The following SPAG16 variants were observed in gnomAD, a reference collection of about 807,000 sequenced individuals.
SPAG16 encodes sperm associated antigen 16, also known as sperm-associated antigen 16 protein.
Under a neutral mutation model 80.4 loss-of-function variants are expected in SPAG16, and 86 were observed. The ratio of observed to expected loss-of-function variants is 1.07; its 90% CI spans 0.90 to 1.28. The LOEUF (loss-of-function observed/expected upper bound fraction) is 1.28, where lower values mean the gene tolerates loss of function less well. SPAG16 is among the 50% of genes most tolerant of loss of function. The pLI, the probability that SPAG16 is intolerant of heterozygous loss-of-function variation, is 0.00. For missense variants in SPAG16, 870 were observed against 765.3 expected, an observed-to-expected ratio of 1.14 and a Z score of -1.61; for synonymous variants, 294 against 265.9, an observed-to-expected ratio of 1.11 and a Z score of -1.03.
intron 10 of SPAG16, among the ~76,000 whole-genome samples, chr2:213,752,469 C>T (rs1376347754): frequency 6.6e-6 from 1 of 152,106 alleles, no homozygotes. Context: ...AGTACATTTT[C>T]TTTCTCTTGA....
intron 13 of SPAG16, among the ~76,000 whole-genome samples, chr2:214,035,248 T>C (rs2125066415): frequency 6.6e-6 from 1 of 152,178 alleles, no homozygotes; most frequent in East Asian, 1.9e-4. Context: ...GCAGCCTGAA[T>C]AAAGCACAAG....
rs146416292 is a variant in SPAG16 at position 214,117,948 on chromosome 2, A to T, written c.1593+9687A>T. ...TTCCTCTAAAATCTGGACTAAGACA[A>T]ATATGCCTATCTTTACTATTTCTGT... is the stretch of plus-strand genomic sequence containing the variant. On this transcript the variant is annotated intron_variant, in intron 14 of 15. Coordinates refer to ENST00000331683, the MANE Select transcript of SPAG16 (RefSeq NM_024532.5). Among the ~76,000 whole-genome samples, 190 of 152,288 alleles carry T rather than the reference A, an allele frequency of 1.2e-3. 1 individual carries two copies. Among genetic ancestry groups the T allele is most frequent in the African/African-American group, 4.4e-3 (181 of 41,574 alleles).
chr2:214,201,178 G>A (rs1006847662), intron 15 of SPAG16, among the ~76,000 whole-genome samples: 1 of 152,150 alleles, frequency 6.6e-6, no homozygotes, highest in Admixed American at 6.5e-5. Context: ...CAATTAAGTA[G>A]CATAAATTCT....
intron 5 of SPAG16, among the ~76,000 whole-genome samples, chr2:213,321,759 A>G (rs925760564): frequency 1.3e-5 from 2 of 152,168 alleles, no homozygotes; most frequent in African/African-American, 4.8e-5. Flanking sequence ...AGTTGGGAAA[A>G]TAACTGTTGA....
intron 15 of SPAG16, among the ~76,000 whole-genome samples, chr2:214,167,009 AGAG>A (rs1159454651): frequency 6.6e-6 from 1 of 152,166 alleles, no homozygotes; most frequent in Admixed American, 6.6e-5. Context: ...AGTTAGAAAG[AGAG>A]GAGGAGAAGG....
chr2:214,084,387 T>C (rs1006609184), intron 13 of SPAG16, among the ~76,000 whole-genome samples: 6 of 151,996 alleles, frequency 3.9e-5, no homozygotes, highest in Non-Finnish European at 7.4e-5. Flanking sequence ...CAGCACGTAA[T>C]CTTTGAAAAA....
chr2:213,732,359 T>A (rs2125427633), intron 10 of SPAG16, among the ~76,000 whole-genome samples: 1 of 151,694 alleles, frequency 6.6e-6, no homozygotes, highest in African/African-American at 2.4e-5. Context: ...TGCCCAGGAA[T>A]ACAGGTAACA....
chr2:213,309,830 T>A (rs1233789493), intron 3 of SPAG16, among the ~76,000 whole-genome samples: 1 of 152,058 alleles, frequency 6.6e-6, no homozygotes. Context: ...ATTTAGTTAT[T>A]CATATTCTGT....
In SPAG16 at chr2:213,591,677, C is replaced by A. The variant is rs1044119676; in HGVS notation, c.1070+101587C>A. On this transcript the variant is annotated intron_variant, in intron 10 of 15. Coordinates refer to ENST00000331683, the MANE Select transcript of SPAG16 (RefSeq NM_024532.5). Reference sequence around the variant, plus strand: ...AGATTGGGCTCGACTCCAAATATAACAAGGAAAAATGATAATTTATAGCCA... The same window carrying A: ...AGATTGGGCTCGACTCCAAATATAAAAAGGAAAAATGATAATTTATAGCCA... Among the ~76,000 whole-genome samples the A allele has an allele frequency of 1.2e-4, 18 of 152,132 alleles. No homozygotes were observed. The East Asian group carries it at 3.5e-3, about 29-fold the overall frequency.
At chr2:213,705,288 G>A (rs2065696051) in intron 10 of SPAG16, among the ~76,000 whole-genome samples, 1 of 151,586 alleles carries the variant, frequency 6.6e-6, no homozygotes, top group Admixed American at 6.6e-5. Context: ...GGGAGGAAGG[G>A]AGGGAGGGAG....
intron 10 of SPAG16, among the ~76,000 whole-genome samples, chr2:213,835,094 AT>A: frequency 6.6e-6 from 1 of 152,168 alleles, no homozygotes; most frequent in East Asian, 1.9e-4. Context: ...TTTGATAGAC[AT>A]TTTAGTGGGA....
intron 9 of SPAG16, among the ~76,000 whole-genome samples, chr2:213,449,013 G>A (rs1307944303): frequency 6.6e-6 from 1 of 152,174 alleles, no homozygotes; most frequent in Non-Finnish European, 1.5e-5. Context: ...GTGCAAGTAG[G>A]AGAGATATCA....
chr2:213,355,131 C>T (rs1003138178), intron 7 of SPAG16, among the ~76,000 whole-genome samples: 2 of 152,156 alleles, frequency 1.3e-5, no homozygotes, highest in African/African-American at 4.8e-5. Flanking sequence ...ATCCTTTCCC[C>T]ATTTCTTGTT....
chr2:214,313,618 A>G (rs1195680847), intron 15 of SPAG16, among the ~76,000 whole-genome samples: 4 of 152,134 alleles, frequency 2.6e-5, no homozygotes, highest in Non-Finnish European at 5.9e-5. Context: ...ACTAATTAAC[A>G]TTCACTAGTT....
chr2:213,748,000 T>G (rs149661653), intron 10 of SPAG16, among the ~76,000 whole-genome samples: 43 of 152,350 alleles, frequency 2.8e-4, no homozygotes, highest in African/African-American at 1.0e-3. Flanking sequence ...TTATTCAAGT[T>G]GGACGATTAT....
chr2:213,704,666 A>T (rs1243072287), intron 10 of SPAG16, among the ~76,000 whole-genome samples: 1 of 126,286 alleles, frequency 7.9e-6, no homozygotes, highest in African/African-American at 3.2e-5. Context: ...GGTCCTTTTA[A>T]GCTACCTGTT....
intron 11 of SPAG16, among the ~76,000 whole-genome samples, chr2:213,867,926 CAAAAAAAAAA>C (rs35795865): frequency 5.4e-4 from 25 of 45,890 alleles, no homozygotes; most frequent in African/African-American, 1.6e-3. Context: ...TCTGTCTCAA[CAAAAAAAAAA>C]AAAAAAAAAA....
At chr2:214,305,299 AT>A (rs1477833141) in intron 15 of SPAG16, among the ~76,000 whole-genome samples, 2 of 151,966 alleles carry the variant, frequency 1.3e-5, no homozygotes, top group Non-Finnish European at 2.9e-5. Context: ...GTTTGCAAAA[AT>A]TTTCTCCCAT....
intron 15 of SPAG16, among the ~76,000 whole-genome samples, chr2:214,212,680 C>A (rs2058326933): frequency 6.6e-6 from 1 of 152,202 alleles, no homozygotes; most frequent in Admixed American, 6.5e-5. Context: ...GCTTTTGTTT[C>A]CAGAATCACC....
Sources: allele counts gnomAD v4.1 joint callset (sites outside exome capture counted in the v4.1 genomes callset), GRCh38; gene constraint gnomAD v4.1.1; transcripts MANE v1.5; gene names NCBI Gene and HGNC (gene_info 2026-07-23, HGNC 2026-07-21).